The following DMAC2 variants were observed in gnomAD, a reference collection of about 807,000 sequenced individuals.
DMAC2 encodes the protein distal membrane-arm assembly complex protein 2.
DMAC2 carries 32 observed loss-of-function variants against 29.6 expected under a neutral mutation model. The ratio of observed to expected loss-of-function variants is 1.08; its 90% CI spans 0.81 to 1.45. DMAC2 has a LOEUF of 1.45. DMAC2 is among the 40% of genes most tolerant of loss of function. DMAC2 has a pLI of 0.00. For missense variants in DMAC2, 319 were observed against 340.0 expected, an observed-to-expected ratio of 0.94 and a Z score of 0.49; for synonymous variants, 133 against 137.4, an observed-to-expected ratio of 0.97 and a Z score of 0.23.
chr19:41,437,072 T>TA (rs1425451606), intron 2 of DMAC2, among the ~76,000 whole-genome samples: 2 of 152,298 alleles, frequency 1.3e-5, no homozygotes, highest in East Asian at 3.9e-4. Flanking sequence ...CTGGTGATGA[T>TA]AAGATTCCTT....
At chr19:41,437,760 A>C (rs1385564092) in intron 2 of DMAC2, among the ~76,000 whole-genome samples, 1 of 152,118 alleles carries the variant, frequency 6.6e-6, no homozygotes, top group Non-Finnish European at 1.5e-5. Context: ...TGATTCAACT[A>C]TAAGGGATCA....
At chr19:41,439,835 G>T (rs782553461) in intron 1 of DMAC2, 47 bp downstream of exon 1, 15 of 1,613,854 alleles carry the variant, frequency 9.3e-6, no homozygotes, top group Non-Finnish European at 1.3e-5. Context: ...TGCGGAGGCT[G>T]TAGAGCGGAC....
At chr19:41,433,783 T>C in intron 3 of DMAC2, 110 bp from the exon 4 acceptor site, 1 of 1,421,468 alleles carries the variant, frequency 7.0e-7, no homozygotes, top group Non-Finnish European at 9.6e-7. Flanking sequence ...ACCCTTGACA[T>C]AACTAATTCC....
At chr19:41,439,634 T>A in intron 1 of DMAC2, 6 of 1,433,336 alleles carry the variant, frequency 4.2e-6, no homozygotes, top group Non-Finnish European at 5.6e-6. Flanking sequence ...CACTCCCTCA[T>A]CCCCATTGGA....
chr19:41,433,014 A>T (rs1599993497), intron 5 of DMAC2: 1 of 530,304 alleles, frequency 1.9e-6, no homozygotes, highest in South Asian at 2.9e-5. Context: ...CAAATATGCA[A>T]CTCCAGCTCC....
Position 41,439,784 on chromosome 19 carries a change from C to G in DMAC2, c.18+98G>C. 3 of 1,586,456 alleles carry G rather than the reference C, an allele frequency of 1.9e-6. No homozygotes were observed. The Admixed American group carries it at 5.0e-5, about 27-fold the overall frequency. ...GCTTGCCAGGCTTAGCCTGCTGCCT[C>G]ACGGCTTTCTGCTCTCGTGGCCGCC... On this transcript the variant is annotated intron_variant, in intron 1 of 5. Coordinates refer to ENST00000221943, the MANE Select transcript of DMAC2 (RefSeq NM_018035.3).
intron 2 of DMAC2, 68 bp from the exon 3 acceptor site, chr19:41,436,540 T>C: frequency 1.6e-6 from 2 of 1,274,486 alleles, no homozygotes; most frequent in Non-Finnish European, 2.3e-6. Flanking sequence ...GCCCCAGTGC[T>C]GTTAAGAGGG....
chr19:41,436,595 G>A, intron 2 of DMAC2, 123 bp from the exon 3 acceptor site: 2 of 805,250 alleles, frequency 2.5e-6, no homozygotes, highest in Non-Finnish European at 4.1e-6. Flanking sequence ...CAGTCAGGCT[G>A]AAAATATTTA....
chr19:41,431,516 G>A lies in DMAC2; in HGVS notation c.*715C>T. 1 of 352,406 alleles carries A rather than the reference G, an allele frequency of 2.8e-6. No homozygotes were observed. Among genetic ancestry groups the A allele is most frequent in the Admixed American group, 3.8e-5 (1 of 26,338 alleles). 21.8% of individuals were successfully genotyped at this position (352,406 alleles called of 1,614,324 possible). A position where few individuals can be genotyped will look rare whatever the true frequency, so the allele number is the denominator to read the frequency against. On this transcript the variant is annotated 3_prime_UTR_variant, in exon 6 of 6. Coordinates refer to ENST00000221943, the MANE Select transcript of DMAC2 (RefSeq NM_018035.3). ...CTTCTGAGGGCTGGAGGGTGCCAAG[G>A]GCAGCTGCTGACCGCCTGGTGCTTC...
intron 5 of DMAC2, chr19:41,432,674 G>GTGTGTGTGTGTTTA (rs1349870222): frequency 5.5e-6 from 2 of 365,958 alleles, no homozygotes; most frequent in Non-Finnish European, 9.8e-6. Context: ...GTGTGTGTGT[G>GTGTGTGTGTGTTTA]TGTATAGGGA....
rs141999818 is a variant in DMAC2 at position 41,438,088 on chromosome 19, G to A, written c.215+130C>T. The A allele has an allele frequency of 8.5e-5, 71 of 840,034 alleles. No individual in the cohort carries two copies. In the African/African-American group the frequency reaches 1.1e-3, roughly 13 times the overall value. The allele number at this position is 840,034 out of a possible 1,614,324, so 52.0% of individuals were successfully genotyped here. On this transcript the variant is annotated intron_variant, in intron 2 of 5. Transcript: ENST00000221943. The stretch of plus-strand genomic sequence containing the variant: ...GGAGTCCTTGAGAAGGGTACAGCCT[G>A]GAGATGGAGCTGCAAGAGACATCAA...
At chr19:41,439,546 G>T in intron 1 of DMAC2, 1 of 1,536,010 alleles carries the variant, frequency 6.5e-7, no homozygotes, top group South Asian at 1.2e-5. Context: ...TTATCCTACA[G>T]GCCCCACCCT....
chr19:41,438,040 G>A (rs1449920151), intron 2 of DMAC2, among the ~76,000 whole-genome samples, 178 bp downstream of exon 2: 3 of 152,218 alleles, frequency 2.0e-5, no homozygotes, highest in Middle Eastern at 3.2e-3. Flanking sequence ...GAGCTGGTGG[G>A]TGGCAAACTG....
intron 1 of DMAC2, chr19:41,439,371 G>A (rs1374337278): frequency 4.1e-6 from 3 of 734,242 alleles, no homozygotes; most frequent in African/African-American, 1.8e-5. Flanking sequence ...ATTTCACCCA[G>A]ATCATGCCCT....
At position 41,439,428 on chromosome 19, in the gene DMAC2, T is replaced by C. The variant is rs370641942; in HGVS notation, c.18+454A>G. ...TTGGTTCCCCCACCCATCATGCTTT[T>C]GAGTTTTCTGTAAAAATTCGTCAAT... On this transcript the variant is annotated intron_variant, in intron 1 of 5. Coordinates refer to ENST00000221943, the MANE Select transcript of DMAC2 (RefSeq NM_018035.3). The C allele has an allele frequency of 9.3e-5, 137 of 1,471,786 alleles. No individual in the cohort carries two copies. The African/African-American group carries it at 1.5e-3, about 16-fold the overall frequency. 91.2% of individuals were successfully genotyped at this position (1,471,786 alleles called of 1,614,324 possible). A position where few individuals can be genotyped will look rare whatever the true frequency, so the allele number is the denominator to read the frequency against.
At chr19:41,437,552 AG>A (rs2039935653) in intron 2 of DMAC2, among the ~76,000 whole-genome samples, 1 of 151,986 alleles carries the variant, frequency 6.6e-6, no homozygotes, top group African/African-American at 2.4e-5. Flanking sequence ...TACAAAAATT[AG>A]CTGGGCCTGG....
At chr19:41,436,208 T>G (rs2039857708) in intron 3 of DMAC2, among the ~76,000 whole-genome samples, 184 bp downstream of exon 3, 1 of 152,148 alleles carries the variant, frequency 6.6e-6, no homozygotes, top group African/African-American at 2.4e-5. Flanking sequence ...CCTTGTGGGT[T>G]AGAAATGACC....
At chr19:41,438,444 C>G in intron 1 of DMAC2, 30 bp from the exon 2 acceptor site, 1 of 1,569,270 alleles carries the variant, frequency 6.4e-7, no homozygotes, top group Non-Finnish European at 8.7e-7. Context: ...AGGAGCTGAG[C>G]CTGGAGCCTC....
At position 41,438,410 on chromosome 19, in the gene DMAC2, A is replaced by G; in HGVS notation, c.23T>C (p.Leu8Pro). Reference sequence around the variant, plus strand: ...ATTCCACATGGGGGCGACCAGGCGCAGGGACTGGGGAGGGGGAGAGGAAAG... The same window carrying G: ...ATTCCACATGGGGGCGACCAGGCGCGGGGACTGGGGAGGGGGAGAGGAAAG... MAAPWAS[L>P]RLVAPMWNGR... is the part of the protein sequence containing the mutation. Residue 8 changes from leucine (L) to proline (P), a missense_variant, in exon 2 of 6, where the codon CTG becomes CCG. Physicochemically the swap from Leu to Pro is moderately conservative, Grantham distance 98. Transcript: ENST00000221943. The G allele has an allele frequency of 6.2e-7, 1 of 1,612,926 alleles. No individual in the cohort carries two copies.
Sources: gnomAD v4.1 joint callset for allele counts (sites outside exome capture counted in the v4.1 genomes callset) on GRCh38, gnomAD v4.1.1 for gene constraint, MANE v1.5 for transcripts, NCBI Gene and HGNC (gene_info 2026-07-23, HGNC 2026-07-21) for gene names.